GUCY1B1: variants seen among roughly 807,000 people sequenced by gnomAD.
The protein encoded by GUCY1B1 is guanylate cyclase soluble subunit beta-1.
Under a neutral mutation model 71.0 loss-of-function variants are expected in GUCY1B1, and 43 were observed. That is an observed-to-expected ratio of 0.61 (90% CI 0.47 to 0.78). The LOEUF (loss-of-function observed/expected upper bound fraction) is 0.78. GUCY1B1 is among the 30% of genes least tolerant of loss of function. GUCY1B1 has a pLI of 0.00. For missense variants in GUCY1B1, 535 were observed against 754.1 expected (o/e 0.71, Z 3.40); for synonymous variants, 266 against 259.7 (o/e 1.02, Z -0.23).
At chr4:155,790,026 T>C (rs1387827483) in intron 5 of GUCY1B1, 115 bp downstream of exon 5, 9 of 693,614 alleles carry the variant, frequency 1.3e-5, no homozygotes, top group Non-Finnish European at 2.2e-5. Flanking sequence ...TGGAAGTATA[T>C]ATAAGCCAAA....
intron 2 of GUCY1B1, among the ~76,000 whole-genome samples, chr4:155,762,023 T>G (rs1221472758): frequency 6.6e-6 from 1 of 152,232 alleles, no homozygotes; most frequent in Non-Finnish European, 1.5e-5. Flanking sequence ...TGGTTTAGTG[T>G]CTGGGCTAGA....
intron 2 of GUCY1B1, chr4:155,772,503 T>C: frequency 2.1e-6 from 1 of 476,392 alleles, no homozygotes. Flanking sequence ...AGGCCTCAAC[T>C]CCCGAGGCTC....
Position 155,759,094 on chromosome 4 carries a change from C to A in GUCY1B1, c.-47C>A, listed in dbSNP as rs1249573292. 4.4e-6 allele frequency: 7 copies of A among 1,580,710 alleles called. No individual in the cohort carries two copies. Among genetic ancestry groups the A allele is most frequent in the Non-Finnish European group, 6.0e-6 (7 of 1,163,136 alleles). ...CCGCCTCTGCCTGGGTCCCTTCGGC[C>A]GTACCTCTGCGTGGGGGCTGCCTCC... On this transcript the variant is annotated 5_prime_UTR_variant, in exon 1 of 14. Coordinates refer to ENST00000264424, the MANE Select transcript of GUCY1B1 (RefSeq NM_000857.5).
rs1301550121 is a variant in GUCY1B1 at position 155,759,779 on chromosome 4, C to G, written c.4-8C>G. On this transcript the variant is annotated splice_region_variant and splice_polypyrimidine_tract_variant and intron_variant, in intron 1 of 13. Transcript: ENST00000264424. ...CCCTGACGCTCAAGTCTCTCCCTGT[C>G]CCCGCAGTACGGATTTGTGAATCAC... 1.2e-6 allele frequency: 2 copies of G among 1,608,588 alleles called. No individual in the cohort carries two copies. Among genetic ancestry groups the G allele is most frequent in the Non-Finnish European group, 1.7e-6 (2 of 1,175,396 alleles).
chr4:155,793,844 T>G lies in GUCY1B1; in HGVS notation c.496-12T>G, dbSNP rs768238984. The G allele has an allele frequency of 8.5e-7, 1 of 1,176,612 alleles. No homozygotes were observed. Among genetic ancestry groups the G allele is most frequent in the South Asian group, 1.2e-5 (1 of 80,772 alleles). The allele number at this position is 1,176,612 out of a possible 1,614,324, so 72.9% of individuals were successfully genotyped here. A position where few individuals can be genotyped will look rare whatever the true frequency, so the allele number is the denominator to read the frequency against. ...GAAGACAATTCATGCCATTTCCCCC[T>G]TTGATATCCAGGTTATTCAGCAAAG... On this transcript the variant is annotated splice_polypyrimidine_tract_variant and intron_variant, in intron 5 of 13. Coordinates refer to ENST00000264424, the MANE Select transcript of GUCY1B1 (RefSeq NM_000857.5).
chr4:155,803,276 T>C (rs1740083813), intron 10 of GUCY1B1, among the ~76,000 whole-genome samples: 1 of 152,238 alleles, frequency 6.6e-6, no homozygotes. Context: ...ATGGTGGCTC[T>C]CCATGCCGTC....
chr4:155,787,851 T>C (rs1248045516), intron 4 of GUCY1B1, among the ~76,000 whole-genome samples: 2 of 152,210 alleles, frequency 1.3e-5, no homozygotes, highest in African/African-American at 2.4e-5. Context: ...ACTGGATTTT[T>C]CTGTTTTTCT....
chr4:155,793,766 T>C (rs1739342307), intron 5 of GUCY1B1, 90 bp from the exon 6 acceptor site: 1 of 645,958 alleles, frequency 1.5e-6, no homozygotes. Flanking sequence ...ATCTTCTAAA[T>C]GCAGTATTCA....
At chr4:155,806,343 C>G (rs1412561604) in intron 13 of GUCY1B1, 43 bp from the exon 14 acceptor site, 2 of 1,346,412 alleles carry the variant, frequency 1.5e-6, no homozygotes, top group East Asian at 4.6e-5. Flanking sequence ...ATAAACCTCA[C>G]TATCACTGTA....
At chr4:155,785,305 C>T in intron 4 of GUCY1B1, 3 of 1,469,560 alleles carry the variant, frequency 2.0e-6, no homozygotes, top group Non-Finnish European at 2.8e-6. Context: ...ATCATTGTTT[C>T]CTGGGAATCT....
intron 2 of GUCY1B1, among the ~76,000 whole-genome samples, chr4:155,762,158 C>T (rs138676100): frequency 4.1e-4 from 62 of 152,254 alleles, no homozygotes; most frequent in Admixed American, 1.4e-3. Context: ...AAGAATCTTG[C>T]TGCCTGGGGA....
At chr4:155,801,906 T>C (rs947085857) in intron 9 of GUCY1B1, among the ~76,000 whole-genome samples, 1 of 152,200 alleles carries the variant, frequency 6.6e-6, no homozygotes, top group Admixed American at 6.5e-5. Context: ...AATAGAGACA[T>C]ATTTCTTATT....
chr4:155,806,480 G>A lies in GUCY1B1; in HGVS notation c.*71G>A. 1 of 1,025,604 alleles carries A rather than the reference G, an allele frequency of 9.8e-7. No homozygotes were observed. The highest frequency in any genetic ancestry group is 1.3e-5 in the South Asian group (1 of 75,920). 63.5% of individuals were successfully genotyped at this position (1,025,604 alleles called of 1,614,324 possible). A position where few individuals can be genotyped will look rare whatever the true frequency, so the allele number is the denominator to read the frequency against. On this transcript the variant is annotated 3_prime_UTR_variant, in exon 14 of 14. Coordinates refer to ENST00000264424, the MANE Select transcript of GUCY1B1 (RefSeq NM_000857.5). ...TTCTCCTAACACGTGCCAAGCCCAG[G>A]AGCAGTTCTTCCCTATGGATACAGA...
chr4:155,802,253 A>G lies in GUCY1B1; in HGVS notation c.1176-89A>G, dbSNP rs1471541039. 1.9e-6 allele frequency: 3 copies of G among 1,572,268 alleles called. No homozygotes were observed. The highest frequency in any genetic ancestry group is 2.7e-5 in the African/African-American group (2 of 74,232). ...AATCCAGGCCTTTAAAGTACAAACG[A>G]CACTGATGCTGTGTGAAAAGGACAG... On this transcript the variant is annotated intron_variant, in intron 9 of 13. Transcript: ENST00000264424. The surrounding 1 kb of genome is among the most constrained non-coding windows in gnomAD (Gnocchi z 4.3).
intron 7 of GUCY1B1, 100 bp from the exon 8 acceptor site, chr4:155,796,277 C>T: frequency 4.6e-6 from 5 of 1,085,096 alleles, no homozygotes; most frequent in Non-Finnish European, 6.9e-6. Context: ...ACTTATTCTG[C>T]TTTGTGGTTT....
At chr4:155,804,236 T>C (rs898170151) in intron 11 of GUCY1B1, among the ~76,000 whole-genome samples, 1 of 152,136 alleles carries the variant, frequency 6.6e-6, no homozygotes, top group African/African-American at 2.4e-5. Flanking sequence ...TAATATAAAG[T>C]AAGCAAAAAT....
chr4:155,767,734 C>T (rs72697848), intron 2 of GUCY1B1, among the ~76,000 whole-genome samples: 2,584 of 152,230 alleles, frequency 0.017, 30 homozygotes, highest in Non-Finnish European at 0.027. Flanking sequence ...GCCAGAGTCT[C>T]TCCTTTGGGG....
At chr4:155,792,147 G>A (rs977311091) in intron 5 of GUCY1B1, among the ~76,000 whole-genome samples, 3 of 151,644 alleles carry the variant, frequency 2.0e-5, no homozygotes, top group Admixed American at 6.6e-5. Flanking sequence ...TTGACTTCTC[G>A]AGGGATTCTC....
Position 155,806,367 on chromosome 4 carries a change from TTTC to T in GUCY1B1, c.1837-14_1837-12del. The T allele has an allele frequency of 2.5e-6, 4 of 1,571,160 alleles. No individual in the cohort carries two copies. The highest frequency in any genetic ancestry group is 3.5e-6 in the Non-Finnish European group (4 of 1,141,826). On this transcript the variant is annotated splice_polypyrimidine_tract_variant and intron_variant, in intron 13 of 13. Transcript: ENST00000264424. ...ACTATCACTGTAAATCAATCCCTCT[TTTC>T]TTCTGCCTATTTAAGGAAACAAAGC... is the stretch of plus-strand genomic sequence containing the variant.
Sources: allele counts gnomAD v4.1 joint callset (sites outside exome capture counted in the v4.1 genomes callset), GRCh38; gene constraint gnomAD v4.1.1; non-coding constraint Gnocchi (gnomAD v3.1); transcripts MANE v1.5; gene names NCBI Gene and HGNC (gene_info 2026-07-23, HGNC 2026-07-21).